The following ITPRID2 variants were observed in gnomAD, a reference collection of about 807,000 sequenced individuals.
The protein encoded by ITPRID2 is protein ITPRID2.
ITPRID2 carries 60 observed loss-of-function variants against 124.3 expected under a neutral mutation model. The observed-to-expected ratio is 0.48, with a 90% confidence interval of 0.39 to 0.60. The LOEUF (loss-of-function observed/expected upper bound fraction) is 0.60, where lower values mean the gene tolerates loss of function less well. Ranked by LOEUF, ITPRID2 falls within the 20% of genes least tolerant of loss-of-function variation. The pLI, the probability that ITPRID2 is intolerant of heterozygous loss-of-function variation, is 0.00. For synonymous variants in ITPRID2, 521 were observed against 542.9 expected (o/e 0.96, Z 0.56); for missense variants, 1,553 against 1,512.2 (o/e 1.03, Z -0.45).
At position 181,892,729 on chromosome 2, in the gene ITPRID2, C is replaced by A; in HGVS notation, c.257+69C>A. The A allele has an allele frequency of 6.3e-7, 1 of 1,590,830 alleles. No individual in the cohort carries two copies. The highest frequency in any genetic ancestry group is 1.7e-5 in the Admixed American group (1 of 59,694). On this transcript the variant is annotated intron_variant, in intron 2 of 17. Transcript: ENST00000431877. The surrounding 1 kb of genome is among the most constrained non-coding windows in gnomAD (Gnocchi z 5.2). ...CGGACGGGACGCCGGAGCAGAGCCA[C>A]TCGGGCCGCGTCCCTGTGGGTCCCG... is the stretch of plus-strand genomic sequence containing the variant.
chr2:181,929,654 T>G lies in ITPRID2; in HGVS notation c.*107T>G. 1 of 1,607,364 alleles carries G rather than the reference T, an allele frequency of 6.2e-7. No homozygotes were observed. Among genetic ancestry groups the G allele is most frequent in the Non-Finnish European group, 8.5e-7 (1 of 1,174,242 alleles). ...TTGTGCTTTAGAAGATACTTGCTGT[T>G]GAGCTGGGCTACTGTATACAGTGTA... On this transcript the variant is annotated 3_prime_UTR_variant, in exon 18 of 18. Transcript: ENST00000431877.
chr2:181,898,229 A>G (rs531624350), intron 4 of ITPRID2, among the ~76,000 whole-genome samples: 3 of 152,154 alleles, frequency 2.0e-5, no homozygotes, highest in African/African-American at 7.2e-5. Flanking sequence ...AAAGCAATTC[A>G]TGTGTGCTGA....
In ITPRID2 at chr2:181,910,729, GT is replaced by G. The variant is rs902260561; in HGVS notation, c.1486+761del. 8.4e-6 allele frequency: 5 copies of G among 592,204 alleles called. No individual in the cohort carries two copies. The highest frequency in any genetic ancestry group is 3.9e-5 in the African/African-American group (2 of 51,564). 36.7% of individuals were successfully genotyped at this position (592,204 alleles called of 1,614,324 possible). A position where few individuals can be genotyped will look rare whatever the true frequency, so the allele number is the denominator to read the frequency against. On this transcript the variant is annotated intron_variant, in intron 9 of 17. Coordinates refer to ENST00000431877, the MANE Select transcript of ITPRID2 (RefSeq NM_001130445.3). This position sits in a 1 kb window ranked among gnomAD's most constrained non-coding sequence, Gnocchi z 4.1. ...ATGTTCCTAGAATAGGAAATTACAT[GT>G]TTGTTGTCTCCTGATCTCTGAAATT...
rs191024007 is a variant in ITPRID2 at position 181,892,217 on chromosome 2, G to A, written c.151G>A (p.Glu51Lys). 5,965 of 1,550,974 alleles carry A rather than the reference G, an allele frequency of 3.8e-3. 33 individuals are homozygous for A. Among genetic ancestry groups the A allele is most frequent in the Non-Finnish European group, 4.3e-3 (4,887 of 1,147,030 alleles). ...DLSTEATTQD[E>K]EEDEEEDLPG... ...GTCCACAGAAGCGACGACGCAGGAC[G>A]AGGAGGAGGACGAGGAGGAGGACCT... Residue 51 changes from glutamate (E) to lysine (K), a missense_variant, in exon 1 of 18, where the codon GAG becomes AAG. By Grantham distance (56) the Glu-to-Lys change is moderately conservative. Coordinates refer to ENST00000431877, the MANE Select transcript of ITPRID2 (RefSeq NM_001130445.3). The surrounding 1 kb of genome is among the most constrained non-coding windows in gnomAD (Gnocchi z 5.2).
chr2:181,897,696 T>C (rs760299873), intron 4 of ITPRID2, among the ~76,000 whole-genome samples: 3 of 151,914 alleles, frequency 2.0e-5, no homozygotes, highest in Non-Finnish European at 4.4e-5. Context: ...TAATGTGTAC[T>C]TTTTTAAAAA....
At chr2:181,918,220 C>T in intron 11 of ITPRID2, 1 of 806,530 alleles carries the variant, frequency 1.2e-6, no homozygotes, top group Non-Finnish European at 1.5e-6. Context: ...AGAAAGACGA[C>T]AATGATTGCT....
At position 181,891,864 on chromosome 2, in the gene ITPRID2, A is replaced by T. The variant is rs1574177439; in HGVS notation, c.-203A>T. 1 of 338,360 alleles carries T rather than the reference A, an allele frequency of 3.0e-6. No homozygotes were observed. Among genetic ancestry groups the T allele is most frequent in the East Asian group, 8.8e-5 (1 of 11,308 alleles). The allele number at this position is 338,360 out of a possible 1,614,324, so 21.0% of individuals were successfully genotyped here. On this transcript the variant is annotated 5_prime_UTR_variant, in exon 1 of 18. It removes the in-frame stop codon of an upstream open reading frame in the 5' UTR. Transcript: ENST00000431877. ...GCGCGCGCCCGGCCGCCTTCATGTG[A>T]AGCGCCGGCCCTCCGCCCCTTCCCT...
rs147915558 is a variant in ITPRID2 at position 181,926,036 on chromosome 2, G to A, written c.3676-2125G>A. Among the ~76,000 whole-genome samples the A allele has an allele frequency of 6.9e-3, 1,055 of 152,248 alleles. 9 individuals are homozygous for A. Among genetic ancestry groups the A allele is most frequent in the African/African-American group, 0.024 (1,005 of 41,534 alleles). On this transcript the variant is annotated intron_variant, in intron 16 of 17. Coordinates refer to ENST00000431877, the MANE Select transcript of ITPRID2 (RefSeq NM_001130445.3). ...CGCCTGTAATCACAGCACTTTGGGAGGCCGAGGTGGGCGGATCACCTGAGG... is the reference window on the plus strand; with the variant it reads ...CGCCTGTAATCACAGCACTTTGGGAAGCCGAGGTGGGCGGATCACCTGAGG...
chr2:181,929,029 T>C (rs1015708548), intron 17 of ITPRID2, among the ~76,000 whole-genome samples: 11 of 151,490 alleles, frequency 7.3e-5, no homozygotes, highest in South Asian at 6.5e-4. Flanking sequence ...AAAAAACTCT[T>C]TTATATGTCT....
chr2:181,896,837 T>C lies in ITPRID2; in HGVS notation c.308-71T>C. Reference sequence around the variant, plus strand: ...AGATATTTTGCTGGGTGAATTTAACTAAAACAGTGATTTTATATGAGGGTG... The same window carrying C: ...AGATATTTTGCTGGGTGAATTTAACCAAAACAGTGATTTTATATGAGGGTG... On this transcript the variant is annotated intron_variant, in intron 3 of 17. Transcript: ENST00000431877. This position sits in a 1 kb window ranked among gnomAD's most constrained non-coding sequence, Gnocchi z 4.3. The C allele has an allele frequency of 2.4e-6, 3 of 1,242,890 alleles. No homozygotes were observed. The Admixed American group carries it at 5.4e-5, about 22-fold the overall frequency. The allele number at this position is 1,242,890 out of a possible 1,614,324, so 77.0% of individuals were successfully genotyped here.
At chr2:181,927,619 A>C (rs1400061347) in intron 16 of ITPRID2, among the ~76,000 whole-genome samples, 2 of 152,192 alleles carry the variant, frequency 1.3e-5, no homozygotes, top group Non-Finnish European at 2.9e-5. Flanking sequence ...TGTTTTTTAT[A>C]TTATAAAATA....
chr2:181,922,128 T>G lies in ITPRID2; in HGVS notation c.3391T>G (p.Ser1131Ala). 18 of 1,614,236 alleles carry G rather than the reference T, an allele frequency of 1.1e-5. No individual in the cohort carries two copies. The highest frequency in any genetic ancestry group is 1.5e-5 in the Non-Finnish European group (18 of 1,180,040). ...TGCTAACAGAAGAACTGGAGTACCT[T>G]CTACTGCCTCAGTGGGCAAATCCAA... ...SHANRRTGVPSTASVGKSKTP... is the reference protein window; with the variant it reads ...SHANRRTGVPATASVGKSKTP... Residue 1131 changes from serine (S) to alanine (A), a missense_variant, in exon 16 of 18, where the codon TCT becomes GCT. Ser to Ala is a moderately conservative substitution (Grantham distance 99). Coordinates refer to ENST00000431877, the MANE Select transcript of ITPRID2 (RefSeq NM_001130445.3).
chr2:181,898,735 G>C, intron 4 of ITPRID2, 145 bp from the exon 5 acceptor site: 1 of 702,100 alleles, frequency 1.4e-6, no homozygotes, highest in South Asian at 1.8e-5. Context: ...TTTTAATAAT[G>C]CAGATTTAAT....
At chr2:181,901,004 A>T in intron 7 of ITPRID2, 100 bp downstream of exon 7, 4 of 930,648 alleles carry the variant, frequency 4.3e-6, no homozygotes, top group Non-Finnish European at 6.3e-6. Flanking sequence ...ATAGCACTGG[A>T]AAGTAAAGAG....
chr2:181,919,024 C>A lies in ITPRID2; in HGVS notation c.2993+142C>A. On this transcript the variant is annotated intron_variant, in intron 13 of 17. Transcript: ENST00000431877. This position sits in a 1 kb window ranked among gnomAD's most constrained non-coding sequence, Gnocchi z 4.2. The stretch of plus-strand genomic sequence containing the variant: ...GTGAACCAGTGTAGATAAGATTAGT[C>A]ATAGATAGTGTTTTACTAAGTAAAC... 1 of 1,189,922 alleles carries A rather than the reference C, an allele frequency of 8.4e-7. No individual in the cohort carries two copies. Among genetic ancestry groups the A allele is most frequent in the Non-Finnish European group, 1.2e-6 (1 of 867,824 alleles). 73.7% of individuals were successfully genotyped at this position (1,189,922 alleles called of 1,614,324 possible).
chr2:181,911,684 A>G (rs994503414), intron 9 of ITPRID2, among the ~76,000 whole-genome samples: 2 of 152,178 alleles, frequency 1.3e-5, no homozygotes, highest in Non-Finnish European at 2.9e-5. Context: ...TCTGTTGAGA[A>G]CTGTGTTTTT....
intron 16 of ITPRID2, 61 bp downstream of exon 16, chr2:181,922,473 T>G: frequency 6.6e-6 from 9 of 1,366,944 alleles, no homozygotes; most frequent in Non-Finnish European, 8.8e-6. Context: ...AGATTTTGTC[T>G]GAATATTAAT....
chr2:181,903,484 T>G (rs1003088427), intron 8 of ITPRID2, among the ~76,000 whole-genome samples: 7 of 152,186 alleles, frequency 4.6e-5, no homozygotes, highest in Non-Finnish European at 7.4e-5. Flanking sequence ...CTCATAAATG[T>G]CCTCTTAGGT....
chr2:181,930,377 A>C lies in ITPRID2; in HGVS notation c.*830A>C, dbSNP rs1574325218. ...GAATAAGCTGGTGTTTGTTTTTTCA[A>C]AATGGAAGTAATTTAGATTTGTTCT... On this transcript the variant is annotated 3_prime_UTR_variant, in exon 18 of 18. Transcript: ENST00000431877. 1 of 152,552 alleles carries C rather than the reference A, an allele frequency of 6.6e-6. No individual in the cohort carries two copies. The highest frequency in any genetic ancestry group is 1.5e-5 in the Non-Finnish European group (1 of 67,982). The allele number at this position is 152,552 out of a possible 1,614,324, so 9.4% of individuals were successfully genotyped here. A position where few individuals can be genotyped will look rare whatever the true frequency, so the allele number is the denominator to read the frequency against.
Sources: allele counts gnomAD v4.1 joint callset (sites outside exome capture counted in the v4.1 genomes callset), GRCh38; gene constraint gnomAD v4.1.1; non-coding constraint Gnocchi (gnomAD v3.1); transcripts MANE v1.5; gene names NCBI Gene and HGNC (gene_info 2026-07-23, HGNC 2026-07-21).